CSTF3: variants seen among roughly 807,000 people sequenced by gnomAD.
CSTF3 encodes the protein cleavage stimulation factor subunit 3.
In CSTF3, 29 loss-of-function variants were observed where a neutral mutation model predicts 105.8. That is an observed-to-expected ratio of 0.27 (90% confidence interval 0.20 to 0.37). The LOEUF is 0.37. Among genes scored for constraint, CSTF3 ranks in the 10% least tolerant of loss-of-function variants. The pLI, the probability that CSTF3 is intolerant of heterozygous loss-of-function variation, is 1.00. For missense variants in CSTF3, 357 were observed against 879.3 expected (o/e 0.41, Z 7.51); for synonymous variants, 252 against 281.9 (o/e 0.89, Z 1.06).
intron 3 of CSTF3, among the ~76,000 whole-genome samples, chr11:33,131,867 C>T (rs368898086): frequency 6.6e-6 from 1 of 152,066 alleles, no homozygotes; most frequent in African/African-American, 2.4e-5. Context: ...AAGATTTGAA[C>T]ATTATTGTTC....
chr11:33,099,667 T>C lies in CSTF3; in HGVS notation c.877A>G (p.Ile293Val). Reference sequence around the variant, plus strand: ...AGATACTGGGCAGCTTCATACCAAATATCAGGGTGATGGCCCAGCACAAGC... The same window carrying C: ...AGATACTGGGCAGCTTCATACCAAACATCAGGGTGATGGCCCAGCACAAGC... ...CLLVLGHHPD[I>V]WYEAAQYLEQ... is the part of the protein sequence containing the mutation. The change falls in exon 11 of 21, where the codon ATT becomes GTT. Residue 293 changes from isoleucine (I) to valine (V), a missense_variant. By Grantham distance (29) the Ile-to-Val change is conservative. Transcript: ENST00000323959. The surrounding 1 kb of genome is among the most constrained non-coding windows in gnomAD (Gnocchi z 4.1). The C allele has an allele frequency of 1.2e-6, 2 of 1,612,390 alleles. No individual in the cohort carries two copies. The highest frequency in any genetic ancestry group is 1.7e-6 in the Non-Finnish European group (2 of 1,179,280).
intron 1 of CSTF3, among the ~76,000 whole-genome samples, chr11:33,144,087 G>T (rs1317212770): frequency 6.6e-6 from 1 of 152,038 alleles, no homozygotes; most frequent in Non-Finnish European, 1.5e-5. Context: ...CGAGCATAAA[G>T]AGGGAAGCAC....
intron 3 of CSTF3, among the ~76,000 whole-genome samples, chr11:33,131,938 G>A (rs1219531462): frequency 6.6e-6 from 1 of 150,906 alleles, no homozygotes; most frequent in Non-Finnish European, 1.5e-5. Context: ...GGTTTTACAG[G>A]GTACTATTCT....
At position 33,104,000 on chromosome 11, in the gene CSTF3, T is replaced by G. The variant is rs530017508; in HGVS notation, c.586-816A>C. Among the ~76,000 whole-genome samples, 6 of 152,120 alleles carry G rather than the reference T, an allele frequency of 3.9e-5. No homozygotes were observed. In the South Asian group the frequency reaches 1.2e-3, roughly 32 times the overall value. On this transcript the variant is annotated intron_variant, in intron 8 of 20. Transcript: ENST00000323959. ...TGCCAGATCTGGCTAATTAAAAAAA[T>G]TTTTTTTGTTGAGACATAGTCTTGC...
rs778575674 is a variant in CSTF3, at chr11:33,099,031, T to C, written c.1053+3A>G. 10 of 1,562,720 alleles carry C rather than the reference T, an allele frequency of 6.4e-6. No homozygotes were observed. Among genetic ancestry groups the C allele is most frequent in the Non-Finnish European group, 7.7e-6 (9 of 1,167,480 alleles). On this transcript the variant is annotated splice_donor_region_variant and intron_variant, in intron 12 of 20. Coordinates refer to ENST00000323959, the MANE Select transcript of CSTF3 (RefSeq NM_001326.3). This position sits in a 1 kb window ranked among gnomAD's most constrained non-coding sequence, Gnocchi z 4.1. ...TAAGAAGGCTCTAAACATTTTTACTTACCTCTTCATAATCTGCATATGCAA... is the reference window on the plus strand; with the variant it reads ...TAAGAAGGCTCTAAACATTTTTACTCACCTCTTCATAATCTGCATATGCAA...
chr11:33,086,589 C>T (rs776456312), intron 18 of CSTF3, among the ~76,000 whole-genome samples: 8 of 152,106 alleles, frequency 5.3e-5, no homozygotes, highest in Non-Finnish European at 1.2e-4. Flanking sequence ...ATGTATATGC[C>T]ACCAGGCCCA....
chr11:33,085,374 G>T, intron 20 of CSTF3, 85 bp from the exon 21 acceptor site: 1 of 596,734 alleles, frequency 1.7e-6, no homozygotes, highest in Non-Finnish European at 2.6e-6. Flanking sequence ...TTATTTCATA[G>T]CCTACTATTT....
At chr11:33,152,182 G>A (rs61887102) in intron 1 of CSTF3, among the ~76,000 whole-genome samples, 2,058 of 152,298 alleles carry the variant, frequency 0.014, 26 homozygotes, top group South Asian at 0.025. Flanking sequence ...TTGAGCCGGC[G>A]GGGAGGGGCA....
In CSTF3 at chr11:33,154,487, C is replaced by CTTTTT. The variant is rs1408050209; in HGVS notation, c.27+6811_27+6812insAAAAA. ...TAGACCGGAGTAGCACTCCGTAAGA[C>CTTTTT]TTTCTTTTTTTTTTTTTTTTTTTTT... On this transcript the variant is annotated intron_variant, in intron 1 of 20. Coordinates refer to ENST00000323959, the MANE Select transcript of CSTF3 (RefSeq NM_001326.3). Among the ~76,000 whole-genome samples the CTTTTT allele has an allele frequency of 1.3e-4, 4 of 30,634 alleles. 1 individual carries two copies. Among genetic ancestry groups the CTTTTT allele is most frequent in the Non-Finnish European group, 2.9e-4 (3 of 10,446 alleles). 20.1% of individuals were successfully genotyped at this position (30,634 alleles called of 152,430 possible).
chr11:33,159,316 C>A lies in CSTF3; in HGVS notation c.27+1983G>T, dbSNP rs532250287. ...CTACAAAAAAAATACAAAAATTAGG[C>A]CAGGTACGGTGGCTCACGCCTGTAA... On this transcript the variant is annotated intron_variant, in intron 1 of 20. Transcript: ENST00000323959. Among the ~76,000 whole-genome samples the A allele has an allele frequency of 3.6e-4, 55 of 151,874 alleles. 1 individual carries two copies. Among genetic ancestry groups the A allele is most frequent in the Non-Finnish European group, 6.8e-4 (46 of 67,954 alleles).
At chr11:33,161,106 G>A (rs903066922) in intron 1 of CSTF3, among the ~76,000 whole-genome samples, 193 bp downstream of exon 1, 2 of 151,994 alleles carry the variant, frequency 1.3e-5, no homozygotes, top group Admixed American at 6.6e-5. Context: ...TCGTATTCAT[G>A]CCTAAGAGAG....
intron 8 of CSTF3, among the ~76,000 whole-genome samples, chr11:33,104,801 A>G (rs573335275): frequency 2.0e-5 from 3 of 152,220 alleles, no homozygotes; most frequent in Non-Finnish European, 4.4e-5. Context: ...GTGATCTTCA[A>G]TAACTGTTAA....
At chr11:33,146,470 T>C (rs1370505289) in intron 1 of CSTF3, among the ~76,000 whole-genome samples, 1 of 152,062 alleles carries the variant, frequency 6.6e-6, no homozygotes, top group Non-Finnish European at 1.5e-5. Flanking sequence ...GAAAGATCGC[T>C]TGACCCCAGG....
intron 3 of CSTF3, among the ~76,000 whole-genome samples, chr11:33,114,314 A>T (rs1855409429): frequency 6.6e-6 from 1 of 152,178 alleles, no homozygotes; most frequent in South Asian, 2.1e-4. Context: ...TTAGGAACAT[A>T]TTTCATGCTT....
In CSTF3 at chr11:33,099,786, T is replaced by TA. The variant is rs1855261655; in HGVS notation, c.827-70dup. 1 of 992,924 alleles carries TA rather than the reference T, an allele frequency of 1.0e-6. No individual in the cohort carries two copies. Among genetic ancestry groups the TA allele is most frequent in the African/African-American group, 1.7e-5 (1 of 59,506 alleles). 61.5% of individuals were successfully genotyped at this position (992,924 alleles called of 1,614,324 possible). On this transcript the variant is annotated intron_variant, in intron 10 of 20. Coordinates refer to ENST00000323959, the MANE Select transcript of CSTF3 (RefSeq NM_001326.3). This position sits in a 1 kb window ranked among gnomAD's most constrained non-coding sequence, Gnocchi z 4.1. ...TTATTTGTAAAACTATCAATGTAAA[T>TA]ATCATAACCAAATTAGGCTCCTCAA...
At chr11:33,142,084 A>ATTTTATGCTAT in intron 1 of CSTF3, 98 bp from the exon 2 acceptor site, 1 of 1,541,402 alleles carries the variant, frequency 6.5e-7, no homozygotes, top group South Asian at 1.2e-5. Context: ...GCAATGTCAC[A>ATTTTATGCTAT]TTACAAAGCA....
At chr11:33,098,888 G>A in intron 12 of CSTF3, 124 bp from the exon 13 acceptor site, 1 of 1,324,022 alleles carries the variant, frequency 7.6e-7, no homozygotes, top group Non-Finnish European at 1.0e-6. Context: ...CATAAATATA[G>A]TATAAGCTGA....
chr11:33,095,057 C>T (rs1392979245), intron 15 of CSTF3, among the ~76,000 whole-genome samples: 1 of 152,128 alleles, frequency 6.6e-6, no homozygotes, highest in African/African-American at 2.4e-5. Flanking sequence ...TGCCACCACG[C>T]CCAGCTAATT....
At chr11:33,150,436 C>A (rs1430695640) in intron 1 of CSTF3, among the ~76,000 whole-genome samples, 1 of 152,084 alleles carries the variant, frequency 6.6e-6, no homozygotes, top group African/African-American at 2.4e-5. Context: ...TAATGGGGAA[C>A]AGGCAGGGAC....
Sources: allele counts gnomAD v4.1 joint callset (sites outside exome capture counted in the v4.1 genomes callset), GRCh38; gene constraint gnomAD v4.1.1; non-coding constraint Gnocchi (gnomAD v3.1); transcripts MANE v1.5; gene names NCBI Gene and HGNC (gene_info 2026-07-23, HGNC 2026-07-21).